DCUN1D4: variants seen among roughly 807,000 people sequenced by gnomAD.
DCUN1D4 encodes defective in cullin neddylation 1 domain containing 4, also known as DCN1-like protein 4.
A neutral mutation model predicts 47.9 loss-of-function variants in DCUN1D4; 22 were observed. The observed-to-expected ratio is 0.46, with a 90% CI of 0.33 to 0.66. The LOEUF (loss-of-function observed/expected upper bound fraction) is 0.66, where lower values mean the gene tolerates loss of function less well. Ranked by LOEUF, DCUN1D4 falls within the 30% of genes least tolerant of loss-of-function variation. The pLI, the probability that DCUN1D4 is intolerant of heterozygous loss-of-function variation, is 0.02. For synonymous variants in DCUN1D4, 121 were observed against 112.2 expected, an observed-to-expected ratio of 1.08 and a Z score of -0.50; for missense variants, 301 against 340.8, an observed-to-expected ratio of 0.88 and a Z score of 0.92.
intron 3 of DCUN1D4, among the ~76,000 whole-genome samples, chr4:51,867,893 G>C (rs141406961): frequency 1.2e-3 from 190 of 152,308 alleles, no homozygotes; most frequent in Middle Eastern, 0.01. Context: ...TGGTGCCCAC[G>C]GCGCTCAGGT....
At chr4:51,843,452 G>T (rs918849156) in intron 1 of DCUN1D4, 185 bp downstream of exon 1, 5 of 1,251,998 alleles carry the variant, frequency 4.0e-6, no homozygotes, top group South Asian at 2.2e-5. Context: ...TGGGGCGGGG[G>T]CGGGCGTGGG....
the DCUN1D4 span, among the ~76,000 whole-genome samples, chr4:51,837,172 T>C: frequency 6.6e-6 from 1 of 152,324 alleles, no homozygotes; most frequent in African/African-American, 2.4e-5. Context: ...AAGGTGAAAG[T>C]ACTCAATTCA....
At chr4:51,852,318 T>C (rs746143015) in intron 1 of DCUN1D4, among the ~76,000 whole-genome samples, 16 of 152,228 alleles carry the variant, frequency 1.1e-4, no homozygotes, top group Non-Finnish European at 2.1e-4. Context: ...AAATAGACTT[T>C]GTTATTTTTA....
At chr4:51,836,049 C>T in the DCUN1D4 span, among the ~76,000 whole-genome samples, 2 of 152,154 alleles carry the variant, frequency 1.3e-5, no homozygotes, top group Non-Finnish European at 2.9e-5. Flanking sequence ...AGTGCAGGCT[C>T]AGATGTCAAC....
intron 1 of DCUN1D4, among the ~76,000 whole-genome samples, chr4:51,856,261 A>G (rs142421392): frequency 6.6e-6 from 1 of 152,354 alleles, no homozygotes; most frequent in African/African-American, 2.4e-5. Flanking sequence ...TAAGAGCATA[A>G]TACTGTTTAA....
the DCUN1D4 span, among the ~76,000 whole-genome samples, chr4:51,836,643 T>C: frequency 9.9e-5 from 15 of 151,962 alleles, no homozygotes; most frequent in Admixed American, 9.2e-4. Flanking sequence ...TAATCATGGG[T>C]TTTTGACATA....
intron 8 of DCUN1D4, chr4:51,910,754 G>A: frequency 3.0e-6 from 1 of 334,890 alleles, no homozygotes; most frequent in Non-Finnish European, 5.4e-6. Context: ...GCAAGTGATT[G>A]AGTTACAAGT....
chr4:51,869,145 A>AAAAG (rs1726456573), intron 3 of DCUN1D4, among the ~76,000 whole-genome samples: 4 of 145,412 alleles, frequency 2.8e-5, no homozygotes, highest in East Asian at 2.0e-4. Flanking sequence ...AAAAAAAAAA[A>AAAAG]GTCAATCAGA....
chr4:51,876,217 C>T (rs1376707097), intron 4 of DCUN1D4, among the ~76,000 whole-genome samples: 1 of 152,138 alleles, frequency 6.6e-6, no homozygotes, highest in Non-Finnish European at 1.5e-5. Context: ...CACATATACA[C>T]CATGGAATAC....
chr4:51,905,005 T>C (rs1578043797), intron 8 of DCUN1D4, among the ~76,000 whole-genome samples: 2 of 152,288 alleles, frequency 1.3e-5, no homozygotes, highest in African/African-American at 4.8e-5. Context: ...GGAAAGAAAC[T>C]ACAGTACAAC....
chr4:51,872,450 A>C (rs1727043924), intron 3 of DCUN1D4, among the ~76,000 whole-genome samples: 1 of 152,062 alleles, frequency 6.6e-6, no homozygotes, highest in Non-Finnish European at 1.5e-5. Context: ...CACTCCCACC[A>C]ATCCATGGAC....
chr4:51,900,982 A>C (rs1265618888), intron 8 of DCUN1D4, among the ~76,000 whole-genome samples: 1 of 152,090 alleles, frequency 6.6e-6, no homozygotes, highest in African/African-American at 2.4e-5. Context: ...TCACCCTGGC[A>C]CATCTCATGA....
At chr4:51,850,205 T>A (rs1230041801) in intron 1 of DCUN1D4, among the ~76,000 whole-genome samples, 1 of 152,226 alleles carries the variant, frequency 6.6e-6, no homozygotes, top group Non-Finnish European at 1.5e-5. Flanking sequence ...CTCTCGTTTT[T>A]ACTGAACTAT....
intron 8 of DCUN1D4, among the ~76,000 whole-genome samples, chr4:51,909,788 C>T (rs899806041): frequency 6.6e-6 from 1 of 152,150 alleles, no homozygotes; most frequent in Non-Finnish European, 1.5e-5. Flanking sequence ...CATGGACAGT[C>T]GTTACACTTC....
At chr4:51,847,416 T>G (rs1311561631) in intron 1 of DCUN1D4, among the ~76,000 whole-genome samples, 1 of 152,140 alleles carries the variant, frequency 6.6e-6, no homozygotes, top group Non-Finnish European at 1.5e-5. Flanking sequence ...TTTTATTCAT[T>G]TGGTAAATGA....
chr4:51,885,622 AGT>A (rs1198825862), intron 5 of DCUN1D4, among the ~76,000 whole-genome samples: 5 of 152,210 alleles, frequency 3.3e-5, no homozygotes, highest in African/African-American at 1.2e-4. Flanking sequence ...GTAAGGGGAA[AGT>A]GTGGTCTAGA....
chr4:51,848,420 A>G lies in DCUN1D4; in HGVS notation c.25+5153A>G, dbSNP rs534815762. The stretch of plus-strand genomic sequence containing the variant: ...TGTCCTTTTCCCTTCTTTTTGTTTT[A>G]TATCCATATTCTGGTCCTAAGGATT... On this transcript the variant is annotated intron_variant, in intron 1 of 10. Coordinates refer to ENST00000334635, the MANE Select transcript of DCUN1D4 (RefSeq NM_001040402.3). 9 of 1,055,732 alleles carry G rather than the reference A, an allele frequency of 8.5e-6. No homozygotes were observed. The East Asian group carries it at 6.2e-4, about 73-fold the overall frequency. 65.4% of individuals were successfully genotyped at this position (1,055,732 alleles called of 1,614,324 possible).
At chr4:51,851,568 T>G (rs919453088) in intron 1 of DCUN1D4, among the ~76,000 whole-genome samples, 22 of 127,918 alleles carry the variant, frequency 1.7e-4, no homozygotes, top group African/African-American at 2.4e-4. Flanking sequence ...GTGGCAGGGG[T>G]GGGGTGGGGT....
intron 1 of DCUN1D4, among the ~76,000 whole-genome samples, chr4:51,856,837 G>C (rs753215292): frequency 6.6e-6 from 1 of 152,184 alleles, no homozygotes; most frequent in African/African-American, 2.4e-5. Flanking sequence ...GATCATTGGT[G>C]TTAAAAATAC....
Sources: allele counts gnomAD v4.1 joint callset (sites outside exome capture counted in the v4.1 genomes callset), GRCh38; gene constraint gnomAD v4.1.1; transcripts MANE v1.5; gene names NCBI Gene and HGNC (gene_info 2026-07-23, HGNC 2026-07-21).